Variants in EFCAB11 observed in about 807,000 individuals in gnomAD.
EFCAB11 encodes the protein EF-hand calcium-binding domain-containing protein 11.
Under a neutral mutation model 23.0 loss-of-function variants are expected in EFCAB11, and 14 were observed. The ratio of observed to expected loss-of-function variants is 0.61; its 90% CI spans 0.40 to 0.95. EFCAB11 has a LOEUF of 0.95. EFCAB11 is among the 40% of genes least tolerant of loss of function. The pLI, the probability that EFCAB11 is intolerant of heterozygous loss-of-function variation, is 0.00. For synonymous variants in EFCAB11, 65 were observed against 66.6 expected (o/e 0.98, Z 0.11); for missense variants, 198 against 195.8 (o/e 1.01, Z -0.07).
intron 5 of EFCAB11, among the ~76,000 whole-genome samples, chr14:89,901,279 C>T (rs1889330007): frequency 6.6e-6 from 1 of 152,132 alleles, no homozygotes. Context: ...ACTATGTTAA[C>T]ATTACATATC....
chr14:89,885,721 GA>G (rs1478811178), intron 5 of EFCAB11, among the ~76,000 whole-genome samples: 3 of 137,536 alleles, frequency 2.2e-5, no homozygotes, highest in Admixed American at 1.5e-4. Context: ...AAGAAAGAGA[GA>G]GAGAAAGAGA....
At chr14:89,884,988 T>C (rs1039655059) in intron 5 of EFCAB11, among the ~76,000 whole-genome samples, 30 of 152,322 alleles carry the variant, frequency 2.0e-4, no homozygotes, top group Non-Finnish European at 4.3e-4. Flanking sequence ...TGGCATCTGA[T>C]TGCAGACTTC....
intron 5 of EFCAB11, chr14:89,923,937 CT>C (rs1249984346): frequency 2.0e-6 from 2 of 985,278 alleles, no homozygotes; most frequent in Non-Finnish European, 2.4e-6. Flanking sequence ...TCTGAAATCA[CT>C]TTCCTTTAGG....
chr14:89,890,836 G>A (rs1389208717), intron 5 of EFCAB11, among the ~76,000 whole-genome samples: 1 of 152,236 alleles, frequency 6.6e-6, no homozygotes, highest in East Asian at 1.9e-4. Flanking sequence ...GAGGCCAGAA[G>A]TGAAGATCCA....
chr14:89,797,569 C>T (rs1885616419), intron 5 of EFCAB11, among the ~76,000 whole-genome samples: 1 of 151,858 alleles, frequency 6.6e-6, no homozygotes, highest in Non-Finnish European at 1.5e-5. Flanking sequence ...GCCAAATACA[C>T]AGATTATATA....
chr14:89,912,727 T>C (rs1889718628), intron 5 of EFCAB11, among the ~76,000 whole-genome samples: 1 of 152,176 alleles, frequency 6.6e-6, no homozygotes. Context: ...ATTGTAATGA[T>C]GAAAGAATGC....
intron 5 of EFCAB11, among the ~76,000 whole-genome samples, chr14:89,850,478 G>A (rs116822452): frequency 2.1e-3 from 319 of 152,306 alleles, no homozygotes; most frequent in African/African-American, 7.5e-3. Context: ...GAGCCCAGGA[G>A]GGACATTTTA....
intron 3 of EFCAB11, among the ~76,000 whole-genome samples, chr14:89,941,113 T>A (rs1200503948): frequency 6.6e-6 from 1 of 152,122 alleles, no homozygotes; most frequent in East Asian, 1.9e-4. Flanking sequence ...CTCAGCAGCC[T>A]CCCCTCCATG....
intron 3 of EFCAB11, among the ~76,000 whole-genome samples, chr14:89,949,163 C>T (rs1891075519): frequency 6.6e-6 from 1 of 151,982 alleles, no homozygotes; most frequent in African/African-American, 2.4e-5. Context: ...AGGATTAATG[C>T]TCGAGGAGAT....
chr14:89,836,355 T>G (rs1015197941), intron 5 of EFCAB11: 16 of 341,388 alleles, frequency 4.7e-5, no homozygotes, highest in Non-Finnish European at 8.1e-5. Flanking sequence ...CATTACCTTT[T>G]AGACCACATT....
At chr14:89,890,586 T>A (rs993599673) in intron 5 of EFCAB11, among the ~76,000 whole-genome samples, 7 of 152,254 alleles carry the variant, frequency 4.6e-5, no homozygotes, top group African/African-American at 1.4e-4. Flanking sequence ...GTTTCTGTTT[T>A]TGGATACTCA....
intron 5 of EFCAB11, among the ~76,000 whole-genome samples, chr14:89,798,456 G>A (rs74538625): frequency 0.084 from 12,818 of 152,260 alleles, 693 homozygotes; most frequent in East Asian, 0.21. Context: ...GAAATAATCA[G>A]TATCACGTTA....
intron 3 of EFCAB11, among the ~76,000 whole-genome samples, chr14:89,943,031 C>T (rs1179302306): frequency 6.6e-6 from 1 of 152,144 alleles, no homozygotes; most frequent in Admixed American, 6.5e-5. Context: ...CTGGGCCAAC[C>T]TAGAATGTGA....
intron 5 of EFCAB11, among the ~76,000 whole-genome samples, chr14:89,884,793 G>T (rs2140179891): frequency 6.6e-6 from 1 of 152,298 alleles, no homozygotes; most frequent in East Asian, 1.9e-4. Context: ...GTATTTGGAG[G>T]TGGTGTCTTT....
At chr14:89,833,715 G>A (rs1411940497) in intron 5 of EFCAB11, among the ~76,000 whole-genome samples, 1 of 152,142 alleles carries the variant, frequency 6.6e-6, no homozygotes, top group Non-Finnish European at 1.5e-5. Context: ...AAAAAATTTT[G>A]AAAATGTTCT....
chr14:89,830,437 TTATTTTA>T (rs1160598022), intron 5 of EFCAB11: 5 of 152,208 alleles, frequency 3.3e-5, no homozygotes, highest in Admixed American at 6.5e-5. Flanking sequence ...ATTACAACTT[TTATTTTA>T]TATGTCTTTT....
At chr14:89,939,565 C>G (rs1890719325) in intron 3 of EFCAB11, among the ~76,000 whole-genome samples, 1 of 152,184 alleles carries the variant, frequency 6.6e-6, no homozygotes, top group Admixed American at 6.5e-5. Context: ...CTCCTTTGCT[C>G]CATCACTATT....
chr14:89,801,316 TG>T (rs2140075052), intron 5 of EFCAB11, among the ~76,000 whole-genome samples: 1 of 152,212 alleles, frequency 6.6e-6, no homozygotes, highest in African/African-American at 2.4e-5. Flanking sequence ...ACACACACTG[TG>T]GGGGATGGTG....
At chr14:89,812,835 A>C (rs1886191404) in intron 5 of EFCAB11, among the ~76,000 whole-genome samples, 1 of 152,262 alleles carries the variant, frequency 6.6e-6, no homozygotes, top group South Asian at 2.1e-4. Flanking sequence ...ATATGGAAGC[A>C]AGGAAAATTT....
Sources: gnomAD v4.1 joint callset for allele counts (sites outside exome capture counted in the v4.1 genomes callset) on GRCh38, gnomAD v4.1.1 for gene constraint, MANE v1.5 for transcripts, NCBI Gene and HGNC (gene_info 2026-07-23, HGNC 2026-07-21) for gene names.